PKD1L1: variants seen among roughly 807,000 people sequenced by gnomAD.
The protein encoded by PKD1L1 is polycystin 1 like 1, transient receptor potential channel interacting.
In PKD1L1, 236 loss-of-function variants were observed where a neutral mutation model predicts 323.4. The observed-to-expected ratio is 0.73, with a 90% CI of 0.66 to 0.81. The LOEUF is 0.81. PKD1L1 is among the 40% of genes least tolerant of loss of function. The pLI is 0.00. For synonymous variants in PKD1L1, 1,344 were observed against 1,335.0 expected (o/e 1.01, Z -0.15); for missense variants, 3,320 against 3,508.0 (o/e 0.95, Z 1.35).
intron 10 of PKD1L1, 103 bp downstream of exon 10, chr7:47,905,740 G>C: frequency 6.7e-7 from 1 of 1,488,742 alleles, no homozygotes; most frequent in East Asian, 2.3e-5. Context: ...GGGCTCTCCA[G>C]CAGAGCCGAT....
chr7:47,809,515 C>G lies in PKD1L1; in HGVS notation c.7644G>C (p.Lys2548Asn). The G allele has an allele frequency of 6.2e-7, 1 of 1,609,748 alleles. No homozygotes were observed. Among genetic ancestry groups the G allele is most frequent in the Non-Finnish European group, 8.5e-7 (1 of 1,178,222 alleles). Residue 2548 changes from lysine to asparagine, a missense_variant, in exon 51 of 57, where the codon AAG (lysine) becomes AAC (asparagine). Lys to Asn is a moderately conservative substitution (Grantham distance 94, BLOSUM62 0). Transcript: ENST00000289672. ...LCVQLYRMMDKGVLSYWRKPR... is the reference protein window; with the variant it reads ...LCVQLYRMMDNGVLSYWRKPR... The stretch of plus-strand genomic sequence containing the variant: ...GCTTTCGCCAGTAGCTGAGGACGCC[C>G]TTGTCCATCATACGGTAGAGTTGAA...
At position 47,876,179 on chromosome 7, in the gene PKD1L1, G is replaced by T. The variant is rs756667638; in HGVS notation, c.3702C>A (p.Thr1234=). Residue 1234 remains threonine (T), a synonymous_variant, in exon 23 of 57, where the codon ACC becomes ACA. Transcript: ENST00000289672. ...HYEFSYQIGN[T]SKHTLYHGRD... ...TCCCATGGTACAAAGTGTGTTTGGA[G>T]GTGTTTCCTATCTGGTAACTAAATT... 2 of 1,614,094 alleles carry T rather than the reference G, an allele frequency of 1.2e-6. No individual in the cohort carries two copies. Among genetic ancestry groups the T allele is most frequent in the South Asian group, 2.2e-5 (2 of 91,060 alleles).
In PKD1L1 at chr7:47,819,546, G is replaced by A. The variant is rs761638819; in HGVS notation, c.6965+1530C>T. On this transcript the variant is annotated intron_variant, in intron 46 of 56. Coordinates refer to ENST00000289672, the MANE Select transcript of PKD1L1 (RefSeq NM_138295.5). Reference sequence around the variant, plus strand: ...ACAGGCTGTGCACTTGCACGGATAGGAGAGCTGAAAAGTTGGTCATGGATG... The same window carrying A: ...ACAGGCTGTGCACTTGCACGGATAGAAGAGCTGAAAAGTTGGTCATGGATG... The A allele has an allele frequency of 6.6e-6, 9 of 1,362,364 alleles. No homozygotes were observed. In the South Asian group the frequency reaches 9.2e-5, roughly 14 times the overall value. 84.4% of individuals were successfully genotyped at this position (1,362,364 alleles called of 1,614,324 possible).
At chr7:47,842,796 G>T (rs1785588714) in intron 34 of PKD1L1, among the ~76,000 whole-genome samples, 166 bp downstream of exon 34, 1 of 152,202 alleles carries the variant, frequency 6.6e-6, no homozygotes, top group Non-Finnish European at 1.5e-5. Flanking sequence ...TGACAGATGT[G>T]CAGGCCAAGG....
Position 47,908,133 on chromosome 7 carries a change from C to A in PKD1L1, c.1346G>T (p.Ser449Ile). 2 of 1,614,206 alleles carry A rather than the reference C, an allele frequency of 1.2e-6. No homozygotes were observed. The highest frequency in any genetic ancestry group is 1.7e-6 in the Non-Finnish European group (2 of 1,180,038). ...AAGCACTTCATCTTCATGGACACTG[C>A]TGGAGTTCATGAACGCAGACACGGC... is the stretch of plus-strand genomic sequence containing the variant. ...HEAVSAFMNS[S>I]SVHEDEVLVF... is the part of the protein sequence containing the mutation. The change falls in exon 9 of 57, where the codon AGC (serine) becomes ATC (isoleucine). Residue 449 changes from serine to isoleucine, a missense_variant. Transcript: ENST00000289672.
intron 4 of PKD1L1, among the ~76,000 whole-genome samples, chr7:47,933,965 C>T (rs781509919): frequency 3.3e-5 from 5 of 152,310 alleles, no homozygotes; most frequent in Middle Eastern, 3.4e-3. Context: ...ATGAATCCTT[C>T]GGTCCAGACT....
In PKD1L1 at chr7:47,855,179, G is replaced by A. The variant is rs767562539; in HGVS notation, c.4677C>T (p.Val1559=). 5.6e-6 allele frequency: 9 copies of A among 1,613,966 alleles called. No individual in the cohort carries two copies. The African/African-American group carries it at 6.7e-5, about 12-fold the overall frequency. The change falls in exon 29 of 57, where the codon GTC becomes GTT. Residue 1559 remains valine (V), a synonymous_variant. Transcript: ENST00000289672. ...CCAGGCCATCCTCCTCCCCAAACTC[G>A]ACCATCACGGGTTTCCTTAGCCATT... ...NRQWLRKPVM[V]EFGEEDGLDN... is the part of the protein sequence containing the mutation.
intron 11 of PKD1L1, 102 bp from the exon 12 acceptor site, chr7:47,904,719 A>T: frequency 1.1e-4 from 121 of 1,131,874 alleles, no homozygotes; most frequent in Non-Finnish European, 1.3e-4. Flanking sequence ...AAGGCGGGGG[A>T]GGGGGAGGCA....
chr7:47,948,322 C>T, intron 1 of PKD1L1, 75 bp downstream of exon 1: 1 of 1,564,682 alleles, frequency 6.4e-7, no homozygotes, highest in East Asian at 2.2e-5. Flanking sequence ...GAGGTGATGA[C>T]TTTTGAAAGA....
intron 52 of PKD1L1, among the ~76,000 whole-genome samples, chr7:47,805,912 G>C (rs1784766837): frequency 6.6e-6 from 1 of 152,332 alleles, no homozygotes; most frequent in East Asian, 1.9e-4. Flanking sequence ...TTTATGCAGT[G>C]CCTGGCAGGA....
At chr7:47,890,456 G>T in intron 16 of PKD1L1, 86 bp downstream of exon 16, 1 of 1,347,630 alleles carries the variant, frequency 7.4e-7, no homozygotes, top group Non-Finnish European at 1.0e-6. Flanking sequence ...TGCTTGCTGT[G>T]CACAGCAGAT....
In PKD1L1 at chr7:47,850,023, A is replaced by G. The variant is rs1785745340; in HGVS notation, c.4961-2952T>C. ...ATAGGACTTTGGGGACTTAGGGGTA[A>G]GGATGAGGGGGTGAGAGATAAAAGA... On this transcript the variant is annotated intron_variant, in intron 31 of 56. Coordinates refer to ENST00000289672, the MANE Select transcript of PKD1L1 (RefSeq NM_138295.5). Among the ~76,000 whole-genome samples the G allele has an allele frequency of 2.0e-5, 3 of 152,182 alleles. No homozygotes were observed. The South Asian group carries it at 6.2e-4, about 32-fold the overall frequency.
Position 47,840,231 on chromosome 7 carries a change from G to GT in PKD1L1, c.5552+229dup, listed in dbSNP as rs1285007301. ...TGAACTTTACTAGTATGTAAAATCA[G>GT]TAAGTCTTCTTTCCCCACCCTCCTT... On this transcript the variant is annotated intron_variant, in intron 35 of 56. Transcript: ENST00000289672. The surrounding 1 kb of genome is among the most constrained non-coding windows in gnomAD (Gnocchi z 4.1). Among the ~76,000 whole-genome samples, 1 of 152,118 alleles carries GT rather than the reference G, an allele frequency of 6.6e-6. No individual in the cohort carries two copies. The highest frequency in any genetic ancestry group is 1.5e-5 in the Non-Finnish European group (1 of 68,016).
chr7:47,917,000 G>A (rs935399221), intron 7 of PKD1L1, among the ~76,000 whole-genome samples: 2 of 152,138 alleles, frequency 1.3e-5, no homozygotes, highest in Non-Finnish European at 2.9e-5. Flanking sequence ...ACCTTAAAAA[G>A]AATAGGAGGT....
rs531810590 is a variant in PKD1L1, at chr7:47,852,644, C to T, written c.4960+483G>A. Among the ~76,000 whole-genome samples the T allele has an allele frequency of 2.1e-3, 323 of 152,278 alleles. 2 individuals carry two copies. The highest frequency in any genetic ancestry group is 3.4e-3 in the Non-Finnish European group (228 of 68,024). ...AGAATCCTAAGCCACCAGGGGCAGA[C>T]CACGGAGAAGGGGTGAGCCCCAAAC... is the stretch of plus-strand genomic sequence containing the variant. On this transcript the variant is annotated intron_variant, in intron 31 of 56. Coordinates refer to ENST00000289672, the MANE Select transcript of PKD1L1 (RefSeq NM_138295.5).
chr7:47,943,007 G>A (rs549382289), intron 2 of PKD1L1, among the ~76,000 whole-genome samples: 29 of 151,918 alleles, frequency 1.9e-4, no homozygotes, highest in Non-Finnish European at 3.7e-4. Context: ...TTAGCTGGGC[G>A]TGGTGGCGGA....
At position 47,929,072 on chromosome 7, in the gene PKD1L1, T is replaced by C. The variant is rs529741872; in HGVS notation, c.1060+132A>G. Reference sequence around the variant, plus strand: ...GCAGTGTGCCACTGAGCTACTATTCTTGGAGCCAGGAAGGTTGGCTGAGTC... The same window carrying C: ...GCAGTGTGCCACTGAGCTACTATTCCTGGAGCCAGGAAGGTTGGCTGAGTC... On this transcript the variant is annotated intron_variant, in intron 7 of 56. Transcript: ENST00000289672. The C allele has an allele frequency of 4.3e-5, 40 of 930,676 alleles. No homozygotes were observed. In the African/African-American group the frequency reaches 6.5e-4, roughly 15 times the overall value. 57.7% of individuals were successfully genotyped at this position (930,676 alleles called of 1,614,324 possible).
Position 47,885,903 on chromosome 7 carries a change from G to A in PKD1L1, c.2988C>T (p.Thr996=). 1 of 1,614,148 alleles carries A rather than the reference G, an allele frequency of 6.2e-7. No individual in the cohort carries two copies. Among genetic ancestry groups the A allele is most frequent in the East Asian group, 2.2e-5 (1 of 44,866 alleles). ...TPFSREPSPV[T]LGQPATSAPR... ...GAGCTGAAGTGGCAGGTTGGCCAAG[G>A]GTCACGGGTGAAGGTTCCCGTGAGA... Residue 996 remains threonine (T), a synonymous_variant, in exon 18 of 57, where the codon ACC becomes ACT. Transcript: ENST00000289672.
At chr7:47,795,154 C>T (rs1418836540) in intron 55 of PKD1L1, 1 of 280,312 alleles carries the variant, frequency 3.6e-6, no homozygotes. Context: ...TTGGAGGGGG[C>T]CAGGAGCAGA....
Sources: gnomAD v4.1 joint callset for allele counts (sites outside exome capture counted in the v4.1 genomes callset) on GRCh38, gnomAD v4.1.1 for gene constraint, Gnocchi (gnomAD v3.1) non-coding constraint, MANE v1.5 for transcripts, NCBI Gene and HGNC (gene_info 2026-07-23, HGNC 2026-07-21) for gene names.